ASTN2: variants seen among roughly 807,000 people sequenced by gnomAD.
ASTN2 encodes astrotactin 2.
A neutral mutation model predicts 139.8 loss-of-function variants in ASTN2; 54 were observed. The ratio of observed to expected loss-of-function variants is 0.39; its 90% CI spans 0.31 to 0.48. The LOEUF is 0.48. Ranked by LOEUF, ASTN2 falls within the 20% of genes least tolerant of loss-of-function variation. The probability of loss-of-function intolerance (pLI) is 0.95; values close to 1 mark genes in which losing one functional copy is unlikely to be tolerated. For synonymous variants in ASTN2, 756 were observed against 719.5 expected (o/e 1.05, Z -0.81); for missense variants, 1,565 against 1,725.1 (o/e 0.91, Z 1.64).
rs192178954 is a variant in ASTN2, at chr9:117,112,076, T to C, written c.1169-15925A>G. Among the ~76,000 whole-genome samples, 16 of 152,130 alleles carry C rather than the reference T, an allele frequency of 1.1e-4. 1 individual carries two copies. In the East Asian group the frequency reaches 3.1e-3, roughly 29 times the overall value. On this transcript the variant is annotated intron_variant, in intron 4 of 22. Coordinates refer to ENST00000313400, the MANE Select transcript of ASTN2 (RefSeq NM_001365068.1). ...AAACTCTCAAATACTTAGTAATATGTTTAAGAAAAGGTATGCAATATATCT... is the reference window on the plus strand; with the variant it reads ...AAACTCTCAAATACTTAGTAATATGCTTAAGAAAAGGTATGCAATATATCT...
chr9:116,825,356 A>C (rs1831597347), intron 11 of ASTN2, among the ~76,000 whole-genome samples: 1 of 152,232 alleles, frequency 6.6e-6, no homozygotes, highest in Non-Finnish European at 1.5e-5. Flanking sequence ...GACCTGGTAC[A>C]TAATAGACAC....
rs568458986 is a variant in ASTN2 at position 116,634,042 on chromosome 9, A to G, written c.3073-13599T>C. On this transcript the variant is annotated intron_variant, in intron 17 of 22. Transcript: ENST00000313400. ...TTAGGAGCATGGTCACTGGAACCAG[A>G]CTCCTGGGTTCAAATTCCAGTGCTA... 1.8e-4 allele frequency among the ~76,000 whole-genome samples: 28 copies of G among 152,152 alleles called. 1 individual carries two copies. Among genetic ancestry groups the G allele is most frequent in the Middle Eastern group, 3.4e-3 (1 of 294 alleles).
At chr9:116,533,505 A>G (rs1171283628) in intron 19 of ASTN2, among the ~76,000 whole-genome samples, 3 of 152,256 alleles carry the variant, frequency 2.0e-5, no homozygotes, top group African/African-American at 7.2e-5. Context: ...GTTTGTCATA[A>G]ATAGCTCTTA....
intron 13 of ASTN2, among the ~76,000 whole-genome samples, chr9:116,735,465 C>T (rs1279539488): frequency 6.6e-6 from 1 of 152,170 alleles, no homozygotes; most frequent in African/African-American, 2.4e-5. Context: ...AAAGATGTAG[C>T]AGGATGGAGG....
chr9:116,597,208 G>C (rs1248648618), intron 19 of ASTN2, among the ~76,000 whole-genome samples: 1 of 151,020 alleles, frequency 6.6e-6, no homozygotes, highest in Admixed American at 6.6e-5. Flanking sequence ...AGGGCAGTGA[G>C]TGAACCCAAA....
intron 1 of ASTN2, among the ~76,000 whole-genome samples, chr9:117,412,131 G>A (rs1458333269): frequency 6.6e-6 from 1 of 151,576 alleles, no homozygotes; most frequent in East Asian, 1.9e-4. Flanking sequence ...AAAATCCCAC[G>A]TCTCCCTACA....
intron 5 of ASTN2, among the ~76,000 whole-genome samples, chr9:117,075,284 C>G (rs1014015271): frequency 6.6e-6 from 1 of 152,148 alleles, no homozygotes; most frequent in Non-Finnish European, 1.5e-5. Context: ...CCCCTAGCCC[C>G]AGGGAGTGAT....
intron 5 of ASTN2, among the ~76,000 whole-genome samples, chr9:117,083,999 T>A (rs1050412529): frequency 2.0e-5 from 3 of 147,506 alleles, no homozygotes; most frequent in African/African-American, 5.0e-5. Context: ...GACGTTTCTG[T>A]GGGTTTGGGT....
At chr9:116,882,778 G>C (rs193276605) in intron 10 of ASTN2, among the ~76,000 whole-genome samples, 1 of 151,730 alleles carries the variant, frequency 6.6e-6, no homozygotes, top group Non-Finnish European at 1.5e-5. Flanking sequence ...AGTGAGCTAT[G>C]ATTGCGCCAC....
intron 3 of ASTN2, among the ~76,000 whole-genome samples, chr9:117,185,737 A>G (rs10983566): frequency 0.37 from 56,134 of 151,946 alleles, 10,858 homozygotes; most frequent in East Asian, 0.7. Context: ...CTAGGCACAG[A>G]AGCTGTGAAG....
At chr9:116,569,056 T>A (rs1196414712) in intron 19 of ASTN2, 2 of 152,220 alleles carry the variant, frequency 1.3e-5, no homozygotes, top group Non-Finnish European at 2.9e-5. Context: ...CTCTGGAGTG[T>A]GAGCAAGATA....
At chr9:117,249,240 A>G (rs562917386) in intron 2 of ASTN2, among the ~76,000 whole-genome samples, 12 of 152,166 alleles carry the variant, frequency 7.9e-5, no homozygotes, top group Non-Finnish European at 1.3e-4. Context: ...AAAGAAGGAA[A>G]AGAAAAGGAT....
At chr9:116,949,694 G>T (rs1226128469) in intron 10 of ASTN2, among the ~76,000 whole-genome samples, 1 of 152,172 alleles carries the variant, frequency 6.6e-6, no homozygotes, top group East Asian at 1.9e-4. Context: ...CAATAATGAA[G>T]CCTACATTTG....
intron 4 of ASTN2, among the ~76,000 whole-genome samples, chr9:117,127,665 T>G (rs1175671708): frequency 3.4e-5 from 5 of 145,744 alleles, no homozygotes; most frequent in South Asian, 2.2e-4. Flanking sequence ...GTTTTTTTTT[T>G]GTTTTGGTTT....
rs1000726795 is a variant in ASTN2, at chr9:116,983,947, GCTTA to G, written c.1592-7166_1592-7163del. On this transcript the variant is annotated intron_variant, in intron 7 of 22. Coordinates refer to ENST00000313400, the MANE Select transcript of ASTN2 (RefSeq NM_001365068.1). ...GATGTGTGACAAAGGAGAAAAAGATGCTTACTTATAGTTGTGGACAATAAAATGT... is the reference window on the plus strand; with the variant it reads ...GATGTGTGACAAAGGAGAAAAAGATGCTTATAGTTGTGGACAATAAAATGT... Among the ~76,000 whole-genome samples, 65 of 152,320 alleles carry G rather than the reference GCTTA, an allele frequency of 4.3e-4. 1 individual carries two copies. The highest frequency in any genetic ancestry group is 1.6e-3 in the African/African-American group (65 of 41,566).
chr9:116,600,170 A>G lies in ASTN2; in HGVS notation c.3355+18154T>C, dbSNP rs570099420. ...AAAGCCCATCTCTACAAAAAAATAC[A>G]AAAGCTAGCCAAGAGTGGTGATGCA... On this transcript the variant is annotated intron_variant, in intron 19 of 22. Transcript: ENST00000313400. Among the ~76,000 whole-genome samples the G allele has an allele frequency of 2.5e-3, 376 of 152,076 alleles. 3 individuals are homozygous for G. Among genetic ancestry groups the G allele is most frequent in the South Asian group, 8.3e-3 (40 of 4,794 alleles).
At chr9:117,180,457 T>C (rs1831030119) in intron 3 of ASTN2, among the ~76,000 whole-genome samples, 1 of 152,160 alleles carries the variant, frequency 6.6e-6, no homozygotes, top group African/African-American at 2.4e-5. Context: ...TCAGCTCAAA[T>C]GTCTCCTCTT....
At chr9:117,305,367 G>A (rs1191330944) in intron 1 of ASTN2, among the ~76,000 whole-genome samples, 1 of 152,122 alleles carries the variant, frequency 6.6e-6, no homozygotes. Flanking sequence ...AATCAACCTG[G>A]TGGAAGATGT....
chr9:116,766,701 A>C (rs1190061556), intron 13 of ASTN2, among the ~76,000 whole-genome samples: 1 of 152,100 alleles, frequency 6.6e-6, no homozygotes, highest in East Asian at 1.9e-4. Context: ...ATTCATAGTC[A>C]TACACTTAAA....
Sources: allele counts gnomAD v4.1 joint callset (sites outside exome capture counted in the v4.1 genomes callset), GRCh38; gene constraint gnomAD v4.1.1; transcripts MANE v1.5; gene names NCBI Gene and HGNC (gene_info 2026-07-23, HGNC 2026-07-21).